The following NOTCH2NLC variants were observed in gnomAD, a reference collection of about 807,000 sequenced individuals.
NOTCH2NLC encodes the protein notch 2 N-terminal like C.
In NOTCH2NLC, 4 loss-of-function variants were observed where a neutral mutation model predicts 17.7. The observed-to-expected ratio is 0.23, with a 90% CI of 0.11 to 0.52. The LOEUF (loss-of-function observed/expected upper bound fraction) is 0.52. Among genes scored for constraint, NOTCH2NLC ranks in the 20% least tolerant of loss-of-function variants. The pLI, the probability that NOTCH2NLC is intolerant of heterozygous loss-of-function variation, is 0.96. For synonymous variants in NOTCH2NLC, 18 were observed against 86.0 expected, an observed-to-expected ratio of 0.21 and a Z score of 4.38; for missense variants, 57 against 207.2, an observed-to-expected ratio of 0.28 and a Z score of 4.45.
At chr1:149,444,893 A>C (rs1307801620) in intron 2 of NOTCH2NLC, among the ~76,000 whole-genome samples, 1 of 148,662 alleles carries the variant, frequency 6.7e-6, no homozygotes, top group Admixed American at 6.7e-5. Context: ...ACTTTTTTTT[A>C]AAGTTCTTTT....
chr1:149,437,815 T>C (rs2084491911), intron 2 of NOTCH2NLC, among the ~76,000 whole-genome samples: 1 of 151,484 alleles, frequency 6.6e-6, no homozygotes, highest in Non-Finnish European at 1.5e-5. Flanking sequence ...TCCTGATTCC[T>C]ATTAACAATT....
chr1:149,424,063 T>C (rs1243688819), intron 1 of NOTCH2NLC, among the ~76,000 whole-genome samples: 4 of 151,202 alleles, frequency 2.6e-5, no homozygotes, highest in African/African-American at 9.7e-5. Context: ...GGTAAATGCC[T>C]AGAGGAAATT....
intron 1 of NOTCH2NLC, among the ~76,000 whole-genome samples, chr1:149,393,065 G>A (rs1479952588): frequency 1.0e-5 from 1 of 97,184 alleles, no homozygotes; most frequent in Non-Finnish European, 1.9e-5. Flanking sequence ...GCGAGACTCC[G>A]TCTCAAAAAA....
rs1490365303 is a variant in NOTCH2NLC, at chr1:149,435,369, G to T, written c.209+4354G>T. ...AGTTTATCTCCCACTAAAGAATGTT[G>T]AATTTTGTCAAGATTGGCAGATCAT... On this transcript the variant is annotated intron_variant, in intron 2 of 4. Coordinates refer to ENST00000650865, the MANE Select transcript of NOTCH2NLC (RefSeq NM_001364013.2). Among the ~76,000 whole-genome samples, 5 of 142,008 alleles carry T rather than the reference G, an allele frequency of 3.5e-5. No individual in the cohort carries two copies. The East Asian group carries it at 9.6e-4, about 27-fold the overall frequency. 93.2% of individuals were successfully genotyped at this position (142,008 alleles called of 152,430 possible).
intron 1 of NOTCH2NLC, among the ~76,000 whole-genome samples, chr1:149,423,209 G>C (rs2084387042): frequency 6.8e-6 from 1 of 147,814 alleles, no homozygotes; most frequent in Admixed American, 6.8e-5. Flanking sequence ...AACACTATTA[G>C]GAAAACAAAA....
chr1:149,427,113 A>G (rs1231211246), intron 1 of NOTCH2NLC, among the ~76,000 whole-genome samples: 2 of 151,432 alleles, frequency 1.3e-5, no homozygotes, highest in Non-Finnish European at 3.0e-5. Context: ...TAGTTAGTAT[A>G]TCCTTCATCT....
intron 1 of NOTCH2NLC, among the ~76,000 whole-genome samples, chr1:149,397,739 G>C (rs1409931330): frequency 1.4e-3 from 29 of 21,236 alleles, no homozygotes; most frequent in African/African-American, 5.6e-3. Context: ...ATTTGTGTAT[G>C]TAAATACATA....
intron 1 of NOTCH2NLC, among the ~76,000 whole-genome samples, chr1:149,413,015 C>T (rs1162578020): frequency 6.9e-6 from 1 of 145,144 alleles, no homozygotes; most frequent in African/African-American, 2.5e-5. Flanking sequence ...AGCGATTCTC[C>T]TGCCTTAGCC....
chr1:149,390,764 C>A lies in NOTCH2NLC; in HGVS notation c.-24C>A, dbSNP rs2084155962. ...AGGAGGAGGGGAGGAGAGAGTGGGG[C>A]TCCTCTATCGGGACCCCCTCCCCAT... is the stretch of plus-strand genomic sequence containing the variant. On this transcript the variant is annotated 5_prime_UTR_variant, in exon 1 of 5. Coordinates refer to ENST00000650865, the MANE Select transcript of NOTCH2NLC (RefSeq NM_001364013.2). The A allele has an allele frequency of 5.7e-6, 7 of 1,233,892 alleles. No homozygotes were observed. Among genetic ancestry groups the A allele is most frequent in the Non-Finnish European group, 6.0e-6 (6 of 991,736 alleles). 76.4% of individuals were successfully genotyped at this position (1,233,892 alleles called of 1,614,324 possible).
At chr1:149,393,337 A>G (rs1200834769) in intron 1 of NOTCH2NLC, among the ~76,000 whole-genome samples, 2,081 of 129,920 alleles carry the variant, frequency 0.016, no homozygotes, top group African/African-American at 0.039. Flanking sequence ...AGAGATTTAG[A>G]AGCCTGTTTC....
At chr1:149,415,946 CTTTAA>C (rs1473854137) in intron 1 of NOTCH2NLC, among the ~76,000 whole-genome samples, 3 of 150,818 alleles carry the variant, frequency 2.0e-5, no homozygotes, top group Non-Finnish European at 4.4e-5. Flanking sequence ...TAGTTTAAAA[CTTTAA>C]TTTATCTCCC....
chr1:149,466,350 C>G lies in NOTCH2NLC; in HGVS notation c.*2197C>G, dbSNP rs1287424010. On this transcript the variant is annotated 3_prime_UTR_variant, in exon 5 of 5. Transcript: ENST00000650865. ...AGACTAGTTCTTGCTTTTCAGGGTC[C>G]CATAATCTAAACCAGATGACTTCAG... 1.4e-5 allele frequency: 2 copies of G among 142,718 alleles called. No individual in the cohort carries two copies. The highest frequency in any genetic ancestry group is 2.6e-5 in the African/African-American group (1 of 38,728). 8.8% of individuals were successfully genotyped at this position (142,718 alleles called of 1,614,324 possible). A position where few individuals can be genotyped will look rare whatever the true frequency, so the allele number is the denominator to read the frequency against.
chr1:149,461,243 T>C (rs1368973238), intron 3 of NOTCH2NLC, among the ~76,000 whole-genome samples: 2 of 148,946 alleles, frequency 1.3e-5, no homozygotes, highest in Non-Finnish European at 3.0e-5. Context: ...CCCAGGGATC[T>C]TTCCGTTTCA....
At chr1:149,452,350 CTGTTGT>C (rs1347294194) in intron 2 of NOTCH2NLC, among the ~76,000 whole-genome samples, 1 of 139,214 alleles carries the variant, frequency 7.2e-6, no homozygotes, top group Admixed American at 7.2e-5. Flanking sequence ...CTACTTGACT[CTGTTGT>C]TGTAGTGGAA....
chr1:149,466,042 G>A lies in NOTCH2NLC; in HGVS notation c.*1889G>A, dbSNP rs1412462133. The A allele has an allele frequency of 3.8e-5, 2 of 52,712 alleles. No homozygotes were observed. Among genetic ancestry groups the A allele is most frequent in the East Asian group, 5.2e-4 (1 of 1,932 alleles). 3.3% of individuals were successfully genotyped at this position (52,712 alleles called of 1,614,324 possible). The stretch of plus-strand genomic sequence containing the variant: ...TGTGGTTAGGCTGGGTCCTGAAACC[G>A]AGGCAGTTTATTTTCAAAGCCTTTG... On this transcript the variant is annotated 3_prime_UTR_variant, in exon 5 of 5. Transcript: ENST00000650865.
At chr1:149,444,897 TTC>T (rs1570915954) in intron 2 of NOTCH2NLC, among the ~76,000 whole-genome samples, 2 of 149,408 alleles carry the variant, frequency 1.3e-5, no homozygotes, top group African/African-American at 4.9e-5. Flanking sequence ...TTTTTTAAAG[TTC>T]TTTTTGTTTT....
chr1:149,416,286 T>C (rs1434181790), intron 1 of NOTCH2NLC, among the ~76,000 whole-genome samples: 2 of 66,862 alleles, frequency 3.0e-5, no homozygotes, highest in East Asian at 8.3e-4. Flanking sequence ...TGAGTTTTTG[T>C]CTTTTTTCCC....
intron 1 of NOTCH2NLC, among the ~76,000 whole-genome samples, chr1:149,399,895 A>G (rs2084233243): frequency 6.7e-6 from 1 of 149,348 alleles, no homozygotes; most frequent in Admixed American, 6.7e-5. Flanking sequence ...TTTACAGATA[A>G]TTAACTCATA....
rs1230810390 is a variant in NOTCH2NLC at position 149,467,368 on chromosome 1, C to CTGT, written c.*3216_*3218dup. ...TTCCCTGCAAAGGATACTGTAGTCA[C>CTGT]TGTGAGTATTTTAGTATTACTGTAG... On this transcript the variant is annotated 3_prime_UTR_variant, in exon 5 of 5. Coordinates refer to ENST00000650865, the MANE Select transcript of NOTCH2NLC (RefSeq NM_001364013.2). The CTGT allele has an allele frequency of 2.8e-5, 4 of 143,456 alleles. No homozygotes were observed. The highest frequency in any genetic ancestry group is 1.0e-4 in the African/African-American group (4 of 38,846). 8.9% of individuals were successfully genotyped at this position (143,456 alleles called of 1,614,324 possible).
Sources: gnomAD v4.1 joint callset for allele counts (sites outside exome capture counted in the v4.1 genomes callset) on GRCh38, gnomAD v4.1.1 for gene constraint, MANE v1.5 for transcripts, NCBI Gene and HGNC (gene_info 2026-07-23, HGNC 2026-07-21) for gene names.